Variants in LMBR1 observed in about 807,000 individuals in gnomAD.
LMBR1 encodes limb region 1 protein homolog.
In LMBR1, 52 loss-of-function variants were observed where a neutral mutation model predicts 73.9. The observed-to-expected ratio is 0.70, with a 90% CI of 0.56 to 0.89. LMBR1 has a LOEUF of 0.89. Among genes scored for constraint, LMBR1 ranks in the 40% least tolerant of loss-of-function variants. The pLI is 0.00. For synonymous variants in LMBR1, 215 were observed against 209.4 expected (o/e 1.03, Z -0.23); for missense variants, 539 against 579.8 (o/e 0.93, Z 0.72).
chr7:156,734,281 G>T, intron 9 of LMBR1, 24 bp from the exon 10 acceptor site: 1 of 1,533,238 alleles, frequency 6.5e-7, no homozygotes, highest in African/African-American at 1.4e-5. Flanking sequence ...AAAATATTTA[G>T]AAGTAAAACA....
intron 5 of LMBR1, among the ~76,000 whole-genome samples, chr7:156,792,199 G>A (rs1461635646): frequency 6.6e-6 from 1 of 152,132 alleles, no homozygotes; most frequent in African/African-American, 2.4e-5. Context: ...GCCAATCTGA[G>A]GTATGATAAG....
At chr7:156,817,864 A>G (rs1207207426) in intron 4 of LMBR1, among the ~76,000 whole-genome samples, 4 of 152,054 alleles carry the variant, frequency 2.6e-5, no homozygotes, top group Non-Finnish European at 5.9e-5. Flanking sequence ...TTTTTCTGGT[A>G]TCTCTGTATA....
intron 9 of LMBR1, chr7:156,736,724 CATT>C (rs1223411767): frequency 2.7e-6 from 1 of 371,732 alleles, no homozygotes; most frequent in Non-Finnish European, 5.4e-6. Context: ...TCAATGTCTA[CATT>C]ATTATAACAA....
At chr7:156,671,840 A>AT (rs11375940) in intron 4 of LMBR1, among the ~76,000 whole-genome samples, 53,470 of 151,904 alleles carry the variant, frequency 0.35, 10,039 homozygotes, top group African/African-American at 0.48. Context: ...CTAGAAATAA[A>AT]TTTTTTTTAA....
At chr7:156,881,642 T>C (rs984105431) in intron 1 of LMBR1, among the ~76,000 whole-genome samples, 1 of 151,992 alleles carries the variant, frequency 6.6e-6, no homozygotes, top group African/African-American at 2.4e-5. Flanking sequence ...AAACAACTAG[T>C]AACTTGATTA....
At chr7:156,882,924 A>G (rs1049599903) in intron 1 of LMBR1, among the ~76,000 whole-genome samples, 30 of 152,176 alleles carry the variant, frequency 2.0e-4, no homozygotes, top group African/African-American at 6.0e-4. Context: ...CCAGCTACTC[A>G]GGAGGCTGAA....
intron 3 of LMBR1, among the ~76,000 whole-genome samples, chr7:156,828,216 C>T (rs1836042498): frequency 6.6e-6 from 1 of 152,186 alleles, no homozygotes; most frequent in Admixed American, 6.5e-5. Context: ...CTTAGACTTA[C>T]CTAACCCCCT....
At position 156,883,646 on chromosome 7, in the gene LMBR1, C is replaced by T. The variant is rs139166394; in HGVS notation, c.66+9282G>A. Among the ~76,000 whole-genome samples the T allele has an allele frequency of 8.1e-4, 123 of 152,178 alleles. 2 individuals carry two copies. Among genetic ancestry groups the T allele is most frequent in the Admixed American group, 6.0e-3 (91 of 15,280 alleles). ...GAGTTTCACTGGGCTAAAATCAAGG[C>T]GTGAGCAAGGTTGCTTCCTTCTGGA... On this transcript the variant is annotated intron_variant, in intron 1 of 16. Transcript: ENST00000353442.
chr7:156,703,869 G>T (rs934910463), intron 15 of LMBR1, among the ~76,000 whole-genome samples: 11 of 152,122 alleles, frequency 7.2e-5, no homozygotes, highest in Non-Finnish European at 1.6e-4. Context: ...CTTCTCCCAT[G>T]GAAAAGAGGC....
rs1335354999 is a variant in LMBR1, at chr7:156,784,045, A to G, written c.423+12344T>C. On this transcript the variant is annotated intron_variant, in intron 5 of 16. Transcript: ENST00000353442. ...CACACTATAATACTAGCTTGCTTCT[A>G]AAAGTGGTAACCAGCTCTGAATGGT... Among the ~76,000 whole-genome samples, 6 of 148,616 alleles carry G rather than the reference A, an allele frequency of 4.0e-5. No homozygotes were observed. In the East Asian group the frequency reaches 1.2e-3, roughly 29 times the overall value.
chr7:156,713,754 G>A (rs1812599357), intron 15 of LMBR1, among the ~76,000 whole-genome samples: 1 of 152,082 alleles, frequency 6.6e-6, no homozygotes, highest in Non-Finnish European at 1.5e-5. Flanking sequence ...AACATGTGCA[G>A]TTTATTGTAT....
rs1804902145 is a variant in LMBR1 at position 156,680,850 on chromosome 7, A to G, written c.*3228T>C. 1 of 208,364 alleles carries G rather than the reference A, an allele frequency of 4.8e-6. No homozygotes were observed. Among genetic ancestry groups the G allele is most frequent in the Admixed American group, 6.3e-5 (1 of 15,830 alleles). 12.9% of individuals were successfully genotyped at this position (208,364 alleles called of 1,614,324 possible). ...AAAAACAAAAGAACAAATAAACCCC[A>G]CATATAAATGCTTATAAACCAAATA... On this transcript the variant is annotated 3_prime_UTR_variant, in exon 17 of 17. Transcript: ENST00000353442.
At chr7:156,823,120 TATA>T (rs1216406480) in intron 4 of LMBR1, 5 of 151,364 alleles carry the variant, frequency 3.3e-5, no homozygotes, top group African/African-American at 4.8e-5. Context: ...TCAAAAAAAT[TATA>T]ATAATAAAAT....
intron 1 of LMBR1, among the ~76,000 whole-genome samples, chr7:156,880,368 G>A (rs767458695): frequency 6.6e-6 from 1 of 152,154 alleles, no homozygotes; most frequent in Non-Finnish European, 1.5e-5. Context: ...AAAGGGGTGA[G>A]GGATAAAAGA....
chr7:156,846,798 T>C (rs1357719792), intron 1 of LMBR1, among the ~76,000 whole-genome samples: 2 of 152,168 alleles, frequency 1.3e-5, no homozygotes, highest in Non-Finnish European at 2.9e-5. Flanking sequence ...AATAACAATG[T>C]ATTGTATAGT....
At chr7:156,882,993 T>C (rs1801330405) in intron 1 of LMBR1, among the ~76,000 whole-genome samples, 1 of 151,950 alleles carries the variant, frequency 6.6e-6, no homozygotes, top group African/African-American at 2.4e-5. Context: ...ATCACGCTAT[T>C]GCACTCTAGC....
intron 5 of LMBR1, among the ~76,000 whole-genome samples, chr7:156,766,316 T>A (rs1478257710): frequency 6.6e-6 from 1 of 152,110 alleles, no homozygotes; most frequent in Admixed American, 6.5e-5. Context: ...TTAGACAGGG[T>A]TGCTTGCAGC....
chr7:156,817,475 T>C (rs1337206672), intron 4 of LMBR1, among the ~76,000 whole-genome samples: 2 of 151,732 alleles, frequency 1.3e-5, no homozygotes, highest in Non-Finnish European at 2.9e-5. Flanking sequence ...CCACTGTTGA[T>C]TTGGGGTAAA....
At chr7:156,686,926 A>G (rs1031707290) in intron 16 of LMBR1, among the ~76,000 whole-genome samples, 1 of 152,246 alleles carries the variant, frequency 6.6e-6, no homozygotes, top group Non-Finnish European at 1.5e-5. Flanking sequence ...ATTAAAAGGT[A>G]TAAGTTATCT....
Sources: allele counts gnomAD v4.1 joint callset (sites outside exome capture counted in the v4.1 genomes callset), GRCh38; gene constraint gnomAD v4.1.1; transcripts MANE v1.5; gene names NCBI Gene and HGNC (gene_info 2026-07-23, HGNC 2026-07-21).